The following CALN1 variants were observed in gnomAD, a reference collection of about 807,000 sequenced individuals.
CALN1 encodes the protein calneuron 1, also known as calcium-binding protein 8.
A neutral mutation model predicts 30.6 loss-of-function variants in CALN1; 17 were observed. That is an observed-to-expected ratio of 0.56 (90% CI 0.38 to 0.83). The LOEUF (loss-of-function observed/expected upper bound fraction) is 0.83. Among genes scored for constraint, CALN1 ranks in the 40% least tolerant of loss-of-function variants. The pLI is 0.00. For synonymous variants in CALN1, 156 were observed against 131.4 expected, an observed-to-expected ratio of 1.19 and a Z score of -1.28; for missense variants, 291 against 354.9, an observed-to-expected ratio of 0.82 and a Z score of 1.45.
intron 3 of CALN1, among the ~76,000 whole-genome samples, chr7:72,248,105 G>A (rs1795313628): frequency 6.6e-6 from 1 of 152,116 alleles, no homozygotes; most frequent in Admixed American, 6.6e-5. Context: ...GGCTCTAGTG[G>A]ATAATCTATT....
At chr7:72,088,463 C>A (rs1028769612) in intron 4 of CALN1, among the ~76,000 whole-genome samples, 15 of 152,016 alleles carry the variant, frequency 9.9e-5, no homozygotes, top group African/African-American at 3.6e-4. Context: ...CTTAGAGAGG[C>A]CCAGGCAGGT....
intron 6 of CALN1, among the ~76,000 whole-genome samples, chr7:71,788,907 C>G (rs962524328): frequency 6.6e-6 from 1 of 152,066 alleles, no homozygotes. Context: ...ATCTACCCGC[C>G]TTGGCCTCCC....
chr7:71,999,957 C>A (rs1799444894), intron 5 of CALN1, among the ~76,000 whole-genome samples: 1 of 151,882 alleles, frequency 6.6e-6, no homozygotes, highest in African/African-American at 2.4e-5. Flanking sequence ...AAACTAGCAA[C>A]AGAAAGACAC....
intron 5 of CALN1, among the ~76,000 whole-genome samples, chr7:71,998,749 G>T (rs1244484322): frequency 1.3e-5 from 2 of 151,882 alleles, no homozygotes; most frequent in Non-Finnish European, 2.9e-5. Flanking sequence ...TAGAGATGAG[G>T]TTTCACCATG....
At chr7:72,145,382 A>G (rs1258708245) in intron 3 of CALN1, among the ~76,000 whole-genome samples, 1 of 152,248 alleles carries the variant, frequency 6.6e-6, no homozygotes, top group Non-Finnish European at 1.5e-5. Flanking sequence ...AGAAATCGAT[A>G]AATTCCTTGA....
chr7:72,371,519 A>G (rs1336674408), intron 2 of CALN1, among the ~76,000 whole-genome samples: 1 of 152,130 alleles, frequency 6.6e-6, no homozygotes, highest in South Asian at 2.1e-4. Context: ...CATCATGTGA[A>G]GAAGGACGTG....
At chr7:72,299,795 A>G (rs1799130144) in intron 2 of CALN1, among the ~76,000 whole-genome samples, 1 of 150,816 alleles carries the variant, frequency 6.6e-6, no homozygotes, top group Non-Finnish European at 1.5e-5. Context: ...TCGACCTCCC[A>G]AAGTGCTAGC....
At chr7:72,195,142 C>T (rs1790897368) in intron 3 of CALN1, among the ~76,000 whole-genome samples, 1 of 152,146 alleles carries the variant, frequency 6.6e-6, no homozygotes, top group African/African-American at 2.4e-5. Flanking sequence ...CAGACTCACA[C>T]CACTGCCTGA....
chr7:72,424,924 A>AT (rs1807748344), intron 1 of CALN1, among the ~76,000 whole-genome samples: 1 of 152,026 alleles, frequency 6.6e-6, no homozygotes, highest in South Asian at 2.1e-4. Context: ...GGCAAGATTC[A>AT]CAGGACTCAC....
chr7:72,363,724 C>T (rs1314272612), intron 2 of CALN1, among the ~76,000 whole-genome samples: 8 of 111,860 alleles, frequency 7.2e-5, no homozygotes, highest in Non-Finnish European at 1.2e-4. Flanking sequence ...TTAAAAAAAA[C>T]TTTTTTTTTT....
At chr7:72,500,955 CATA>C in the CALN1 span, among the ~76,000 whole-genome samples, 3 of 151,952 alleles carry the variant, frequency 2.0e-5, no homozygotes, top group Non-Finnish European at 4.4e-5. Flanking sequence ...ATTGATTTAT[CATA>C]ATAAGGAATT....
At chr7:72,458,234 TC>T in the CALN1 span, among the ~76,000 whole-genome samples, 1 of 105,776 alleles carries the variant, frequency 9.5e-6, no homozygotes, top group Admixed American at 1.4e-4. Context: ...TATAATATAT[TC>T]TATATTATAT....
At chr7:71,877,164 C>A (rs1190507088) in intron 5 of CALN1, among the ~76,000 whole-genome samples, 1 of 152,074 alleles carries the variant, frequency 6.6e-6, no homozygotes, top group African/African-American at 2.4e-5. Context: ...TAAAAATCAA[C>A]AGCCATTCCT....
chr7:72,029,713 A>G (rs1267010393), intron 4 of CALN1, among the ~76,000 whole-genome samples: 1 of 152,202 alleles, frequency 6.6e-6, no homozygotes, highest in East Asian at 1.9e-4. Flanking sequence ...TGGTGAACAC[A>G]TGGAGATGCT....
intron 5 of CALN1, among the ~76,000 whole-genome samples, chr7:71,993,683 C>T (rs1180036406): frequency 1.3e-5 from 2 of 152,114 alleles, no homozygotes; most frequent in East Asian, 3.9e-4. Flanking sequence ...TCTCGAACTC[C>T]TGGGCTCAAG....
chr7:71,897,975 A>AC (rs1290012180), intron 5 of CALN1, among the ~76,000 whole-genome samples: 7 of 116,608 alleles, frequency 6.0e-5, no homozygotes, highest in Non-Finnish European at 8.5e-5. Flanking sequence ...CAAAAAACAA[A>AC]AAAAAAAAAA....
intron 6 of CALN1, among the ~76,000 whole-genome samples, chr7:71,796,523 C>A (rs1269621840): frequency 6.6e-6 from 1 of 152,032 alleles, no homozygotes; most frequent in Non-Finnish European, 1.5e-5. Flanking sequence ...CCACGCCCGG[C>A]TAATTTTTTG....
Position 72,037,316 on chromosome 7 carries a change from A to AT in CALN1, c.389-13548dup, listed in dbSNP as rs200851363. Among the ~76,000 whole-genome samples, 242 of 151,838 alleles carry AT rather than the reference A, an allele frequency of 1.6e-3. 4 individuals are homozygous for AT. In the East Asian group the frequency reaches 0.042, roughly 26 times the overall value. ...CAGGTGCCTGCTACCACCGCAGCTAATTTTTTTGTATTTTTAGTAGAGATG... is the reference window on the plus strand; with the variant it reads ...CAGGTGCCTGCTACCACCGCAGCTAATTTTTTTTGTATTTTTAGTAGAGATG... On this transcript the variant is annotated intron_variant, in intron 4 of 6. Transcript: ENST00000395275.
chr7:71,798,117 CAGAGACAGAGAGAGAGAGAGAG>C (rs1562787958), intron 6 of CALN1, among the ~76,000 whole-genome samples: 19 of 62,314 alleles, frequency 3.0e-4, no homozygotes, highest in South Asian at 1.5e-3. Flanking sequence ...GAGACAGAGA[CAGAGACAGAGAGAGAGAGAGAG>C]AGAGAGAGAG....
Sources: gnomAD v4.1 joint callset for allele counts (sites outside exome capture counted in the v4.1 genomes callset) on GRCh38, gnomAD v4.1.1 for gene constraint, MANE v1.5 for transcripts, NCBI Gene and HGNC (gene_info 2026-07-23, HGNC 2026-07-21) for gene names.